ASAP1: variants seen among roughly 807,000 people sequenced by gnomAD.
ASAP1 encodes arf-GAP with SH3 domain, ANK repeat and PH domain-containing protein 1.
ASAP1 carries 43 observed loss-of-function variants against 145.2 expected under a neutral mutation model. The observed-to-expected ratio is 0.30, with a 90% CI of 0.23 to 0.38. ASAP1 has a LOEUF of 0.38. Ranked by LOEUF, ASAP1 falls within the 10% of genes least tolerant of loss-of-function variation. The pLI is 1.00. For missense variants in ASAP1, 1,018 were observed against 1,355.3 expected (o/e 0.75, Z 3.91); for synonymous variants, 546 against 515.5 (o/e 1.06, Z -0.80).
At chr8:130,109,213 G>C (rs559629257) in intron 24 of ASAP1, among the ~76,000 whole-genome samples, 27 of 152,056 alleles carry the variant, frequency 1.8e-4, no homozygotes, top group Non-Finnish European at 3.2e-4. Flanking sequence ...ATCTGAAGAG[G>C]GGTTAGGCAG....
At chr8:130,289,219 C>A (rs1005602231) in intron 3 of ASAP1, among the ~76,000 whole-genome samples, 2 of 151,874 alleles carry the variant, frequency 1.3e-5, no homozygotes, top group East Asian at 1.9e-4. Flanking sequence ...AAAAAAAAAA[C>A]TATACTTACC....
chr8:130,256,504 G>A (rs1220592416), intron 3 of ASAP1, among the ~76,000 whole-genome samples: 1 of 151,510 alleles, frequency 6.6e-6, no homozygotes, highest in African/African-American at 2.4e-5. Flanking sequence ...TTGACCTTGG[G>A]GACTGTGATA....
At chr8:130,197,050 G>A (rs1237186425) in intron 5 of ASAP1, among the ~76,000 whole-genome samples, 2 of 152,232 alleles carry the variant, frequency 1.3e-5, no homozygotes, top group Non-Finnish European at 1.5e-5. Flanking sequence ...CCCGGCCTGC[G>A]TGAACTGGGA....
intron 3 of ASAP1, among the ~76,000 whole-genome samples, chr8:130,239,163 T>G (rs1818381391): frequency 6.6e-6 from 1 of 152,132 alleles, no homozygotes. Context: ...ATACCTGTCA[T>G]GCTGCATGTC....
chr8:130,394,058 G>C (rs1828406768), intron 2 of ASAP1, among the ~76,000 whole-genome samples: 1 of 152,106 alleles, frequency 6.6e-6, no homozygotes, highest in Non-Finnish European at 1.5e-5. Context: ...TGCATTAACT[G>C]CACAAATTGT....
intron 2 of ASAP1, among the ~76,000 whole-genome samples, chr8:130,378,577 C>T (rs140201782): frequency 1.4e-4 from 21 of 152,256 alleles, no homozygotes; most frequent in East Asian, 1.3e-3. Flanking sequence ...TGAGGTCAGA[C>T]GGGTAGGCAA....
At chr8:130,099,515 G>T (rs1309879793) in intron 24 of ASAP1, among the ~76,000 whole-genome samples, 1 of 151,810 alleles carries the variant, frequency 6.6e-6, no homozygotes, top group South Asian at 2.1e-4. Context: ...ACTTTTTGTG[G>T]AGATGGGGTT....
intron 24 of ASAP1, among the ~76,000 whole-genome samples, chr8:130,110,067 T>A (rs1592822590): frequency 6.6e-6 from 1 of 152,214 alleles, no homozygotes; most frequent in South Asian, 2.1e-4. Context: ...ATAAATTTAG[T>A]CTTTGTCTTC....
intron 5 of ASAP1, among the ~76,000 whole-genome samples, chr8:130,203,657 G>C (rs1445586802): frequency 6.6e-6 from 1 of 152,220 alleles, no homozygotes; most frequent in Non-Finnish European, 1.5e-5. Flanking sequence ...GGAAATCAAG[G>C]AATAGTGGAA....
chr8:130,218,521 A>G (rs1817075406), intron 4 of ASAP1, among the ~76,000 whole-genome samples: 1 of 152,172 alleles, frequency 6.6e-6, no homozygotes, highest in Non-Finnish European at 1.5e-5. Context: ...TGCAAAGGTT[A>G]GAAAGAATTA....
intron 13 of ASAP1, among the ~76,000 whole-genome samples, chr8:130,140,452 A>C (rs1015585919): frequency 6.6e-6 from 1 of 151,786 alleles, no homozygotes; most frequent in Non-Finnish European, 1.5e-5. Context: ...TGTTGTACGT[A>C]TTATTTTATC....
At chr8:130,414,245 C>A (rs1247196608) in intron 1 of ASAP1, among the ~76,000 whole-genome samples, 1 of 152,162 alleles carries the variant, frequency 6.6e-6, no homozygotes. Context: ...TCTGCCATGT[C>A]CAAGGCACAA....
At chr8:130,373,306 TTC>T (rs1468824341) in intron 2 of ASAP1, among the ~76,000 whole-genome samples, 2 of 152,196 alleles carry the variant, frequency 1.3e-5, no homozygotes, top group Non-Finnish European at 2.9e-5. Flanking sequence ...TGCTCCCATT[TTC>T]TCTTACCATA....
chr8:130,122,424 C>A (rs2097567898), intron 18 of ASAP1, among the ~76,000 whole-genome samples: 1 of 152,118 alleles, frequency 6.6e-6, no homozygotes, highest in South Asian at 2.1e-4. Flanking sequence ...ACTGGCCAAA[C>A]AAGGAAGTAA....
intron 12 of ASAP1, among the ~76,000 whole-genome samples, chr8:130,153,912 G>T (rs1419375588): frequency 6.6e-6 from 1 of 152,126 alleles, no homozygotes; most frequent in East Asian, 1.9e-4. Context: ...TTAAGAAAGT[G>T]GTTGGGCATG....
At chr8:130,116,790 C>T (rs902840519) in intron 21 of ASAP1, 45 bp from the exon 22 acceptor site, 1 of 1,599,086 alleles carries the variant, frequency 6.3e-7, no homozygotes, top group Non-Finnish European at 8.6e-7. Context: ...CTAGGAAACA[C>T]CTTAAGAAGG....
chr8:130,092,938 TAAA>T (rs35191776), intron 24 of ASAP1, among the ~76,000 whole-genome samples: 3 of 137,324 alleles, frequency 2.2e-5, no homozygotes, highest in African/African-American at 5.4e-5. Flanking sequence ...ACGCTTTTCT[TAAA>T]AAAAAAAAAA....
intron 16 of ASAP1, among the ~76,000 whole-genome samples, chr8:130,126,358 G>A (rs1592860080): frequency 1.3e-5 from 2 of 152,314 alleles, no homozygotes; most frequent in Admixed American, 1.3e-4. Context: ...CTCTAGGCCT[G>A]TGAGAGATGT....
At chr8:130,363,915 G>C (rs1826829544) in intron 2 of ASAP1, among the ~76,000 whole-genome samples, 1 of 152,208 alleles carries the variant, frequency 6.6e-6, no homozygotes, top group Non-Finnish European at 1.5e-5. Context: ...GGAAAGTGCT[G>C]AAGGAGCAGG....
Sources: allele counts gnomAD v4.1 joint callset (sites outside exome capture counted in the v4.1 genomes callset), GRCh38; gene constraint gnomAD v4.1.1; transcripts MANE v1.5; gene names NCBI Gene and HGNC (gene_info 2026-07-23, HGNC 2026-07-21).